Variants in RAD51B observed in about 807,000 individuals in gnomAD.
RAD51B encodes RAD51 paralog B, also known as DNA repair protein RAD51 homolog 2.
In RAD51B, 38 loss-of-function variants were observed where a neutral mutation model predicts 42.2. The observed-to-expected ratio is 0.90, with a 90% CI of 0.70 to 1.18. The LOEUF is 1.18. RAD51B is among the 50% of genes most tolerant of loss of function. RAD51B has a pLI of 0.00. For missense variants in RAD51B, 373 were observed against 400.7 expected (o/e 0.93, Z 0.59); for synonymous variants, 154 against 145.2 (o/e 1.06, Z -0.43).
intron 9 of RAD51B, among the ~76,000 whole-genome samples, chr14:68,457,382 AG>A (rs1296139299): frequency 6.6e-6 from 1 of 152,194 alleles, no homozygotes; most frequent in African/African-American, 2.4e-5. Context: ...AACATATCAA[AG>A]CTTATGTGGT....
intron 7 of RAD51B, among the ~76,000 whole-genome samples, chr14:67,947,700 G>A (rs1225912224): frequency 6.6e-6 from 1 of 152,080 alleles, no homozygotes; most frequent in Non-Finnish European, 1.5e-5. Flanking sequence ...GAACATTCAG[G>A]CTTTAGGTGT....
intron 7 of RAD51B, among the ~76,000 whole-genome samples, chr14:68,101,460 G>A (rs2077287824): frequency 6.6e-6 from 1 of 152,198 alleles, no homozygotes; most frequent in Admixed American, 6.5e-5. Flanking sequence ...TACAGGCATT[G>A]GGTAAATACA....
intron 3 of RAD51B, among the ~76,000 whole-genome samples, chr14:67,826,626 A>C (rs117098759): frequency 0.012 from 1,849 of 152,274 alleles, 14 homozygotes; most frequent in Non-Finnish European, 0.017. Flanking sequence ...AAGGAATGTT[A>C]GTGTCACTGG....
chr14:68,290,258 A>T (rs955972630), intron 7 of RAD51B, among the ~76,000 whole-genome samples: 25 of 152,308 alleles, frequency 1.6e-4, no homozygotes, highest in African/African-American at 6.0e-4. Flanking sequence ...TTGTGCACTA[A>T]ATGCCTAGTG....
intron 7 of RAD51B, among the ~76,000 whole-genome samples, chr14:68,137,140 A>AT (rs2078027024): frequency 6.6e-6 from 1 of 152,112 alleles, no homozygotes; most frequent in Admixed American, 6.5e-5. Context: ...GCCTGGCGTG[A>AT]TGGCACACGC....
intron 10 of RAD51B, among the ~76,000 whole-genome samples, chr14:68,607,109 C>T (rs4902610): frequency 0.24 from 37,241 of 152,092 alleles, 5,052 homozygotes; most frequent in East Asian, 0.6. Flanking sequence ...GTGATTGCAG[C>T]AAGAGTGACT....
intron 9 of RAD51B, among the ~76,000 whole-genome samples, chr14:68,440,610 G>A (rs981571440): frequency 2.0e-5 from 3 of 152,110 alleles, no homozygotes; most frequent in African/African-American, 7.2e-5. Flanking sequence ...GTTGGGCATG[G>A]TGGCGGACAC....
intron 5 of RAD51B, among the ~76,000 whole-genome samples, chr14:67,867,800 C>T (rs79104588): frequency 0.052 from 7,905 of 152,194 alleles, 473 homozygotes; most frequent in African/African-American, 0.15. Context: ...AAATATGAGA[C>T]GCAAAAAGGA....
intron 8 of RAD51B, among the ~76,000 whole-genome samples, chr14:68,403,602 T>C (rs888892411): frequency 6.6e-6 from 1 of 152,220 alleles, no homozygotes; most frequent in African/African-American, 2.4e-5. Context: ...GCACGAGGGC[T>C]ACACCCCATG....
At position 68,299,289 on chromosome 14, in the gene RAD51B, T is replaced by C. The variant is rs148123817; in HGVS notation, c.853+7309T>C. ...CCTCACAACCACCCTCTGAGGATAG[T>C]GCAGTTGGCCCTCCTTATCCATGAG... On this transcript the variant is annotated intron_variant, in intron 8 of 10. Coordinates refer to ENST00000471583, the MANE Select transcript of RAD51B (RefSeq NM_133510.4). Among the ~76,000 whole-genome samples, 557 of 152,194 alleles carry C rather than the reference T, an allele frequency of 3.7e-3. 3 individuals are homozygous for C. Among genetic ancestry groups the C allele is most frequent in the African/African-American group, 0.013 (536 of 41,532 alleles).
At chr14:68,432,330 T>G (rs1315634907) in intron 9 of RAD51B, among the ~76,000 whole-genome samples, 1 of 152,206 alleles carries the variant, frequency 6.6e-6, no homozygotes, top group Non-Finnish European at 1.5e-5. Context: ...CTCATTGATC[T>G]GTCTAATGTT....
At chr14:67,931,132 AG>A (rs541774117) in intron 7 of RAD51B, among the ~76,000 whole-genome samples, 23 of 152,230 alleles carry the variant, frequency 1.5e-4, no homozygotes, top group Middle Eastern at 3.4e-3. Flanking sequence ...CGTGTTAGCC[AG>A]GATGGTCTCA....
chr14:68,264,010 CA>C (rs1035677090), intron 7 of RAD51B, among the ~76,000 whole-genome samples: 5 of 152,216 alleles, frequency 3.3e-5, no homozygotes, highest in Non-Finnish European at 7.3e-5. Context: ...CCAAGGCCCC[CA>C]AAACACAAAA....
At chr14:67,882,833 C>T (rs538632157) in intron 5 of RAD51B, among the ~76,000 whole-genome samples, 2 of 152,220 alleles carry the variant, frequency 1.3e-5, no homozygotes, top group East Asian at 3.9e-4. Flanking sequence ...CAACCTCCAT[C>T]TCCCAGATTC....
intron 7 of RAD51B, among the ~76,000 whole-genome samples, chr14:68,237,636 G>A (rs2080287433): frequency 6.6e-6 from 1 of 151,602 alleles, no homozygotes; most frequent in Non-Finnish European, 1.5e-5. Context: ...CTGTCTCTAT[G>A]GATTTGAGAT....
intron 9 of RAD51B, among the ~76,000 whole-genome samples, chr14:68,462,569 T>C (rs1167155078): frequency 6.6e-6 from 1 of 152,208 alleles, no homozygotes; most frequent in Non-Finnish European, 1.5e-5. Context: ...GTTGGATCAA[T>C]TAATCAAAAC....
At chr14:68,045,120 C>T (rs1313308489) in intron 7 of RAD51B, among the ~76,000 whole-genome samples, 1 of 151,218 alleles carries the variant, frequency 6.6e-6, no homozygotes, top group Admixed American at 6.6e-5. Context: ...CCTGTAATCC[C>T]AGCTACTCGG....
intron 10 of RAD51B, among the ~76,000 whole-genome samples, chr14:68,574,760 T>A (rs1437090365): frequency 6.6e-6 from 1 of 152,208 alleles, no homozygotes; most frequent in Non-Finnish European, 1.5e-5. Context: ...ATAGTTTATT[T>A]TTATTTTTTC....
chr14:68,203,172 CA>C (rs1186416428), intron 7 of RAD51B, among the ~76,000 whole-genome samples: 1 of 152,154 alleles, frequency 6.6e-6, no homozygotes, highest in Non-Finnish European at 1.5e-5. Context: ...GAAGATCCAT[CA>C]GGGGAATCAC....
Sources: allele counts gnomAD v4.1 joint callset (sites outside exome capture counted in the v4.1 genomes callset), GRCh38; gene constraint gnomAD v4.1.1; transcripts MANE v1.5; gene names NCBI Gene and HGNC (gene_info 2026-07-23, HGNC 2026-07-21).